Variants in KCND2 observed in about 807,000 individuals in gnomAD.
KCND2 encodes potassium voltage-gated channel subfamily D member 2.
Under a neutral mutation model 54.4 loss-of-function variants are expected in KCND2, and 16 were observed. That is an observed-to-expected ratio of 0.29 (90% CI 0.20 to 0.45). The LOEUF (loss-of-function observed/expected upper bound fraction) is 0.45, where lower values mean the gene tolerates loss of function less well. Ranked by LOEUF, KCND2 falls within the 20% of genes least tolerant of loss-of-function variation. The probability of loss-of-function intolerance (pLI) is 1.00; values close to 1 mark genes in which losing one functional copy is unlikely to be tolerated. For synonymous variants in KCND2, 317 were observed against 310.7 expected, an observed-to-expected ratio of 1.02 and a Z score of -0.21; for missense variants, 486 against 824.2, an observed-to-expected ratio of 0.59 and a Z score of 5.02.
At chr7:120,300,175 A>G (rs1799565345) in intron 1 of KCND2, among the ~76,000 whole-genome samples, 1 of 152,140 alleles carries the variant, frequency 6.6e-6, no homozygotes, top group African/African-American at 2.4e-5. Flanking sequence ...TTTTCAGAAC[A>G]GTTTGGAAGA....
chr7:120,644,104 G>C (rs534535803), intron 1 of KCND2, among the ~76,000 whole-genome samples: 30 of 152,116 alleles, frequency 2.0e-4, no homozygotes, highest in African/African-American at 7.0e-4. Flanking sequence ...GAAGATGAAT[G>C]AACTCTCTGC....
At position 120,358,810 on chromosome 7, in the gene KCND2, A is replaced by G. The variant is rs557192897; in HGVS notation, c.1115+83063A>G. On this transcript the variant is annotated intron_variant, in intron 1 of 5. Coordinates refer to ENST00000331113, the MANE Select transcript of KCND2 (RefSeq NM_012281.3). The stretch of plus-strand genomic sequence containing the variant: ...TGTACTCTTCTGTAAAGTATTTGAT[A>G]ATATGCTATCTTGTACAAATCTCTG... 3.3e-4 allele frequency among the ~76,000 whole-genome samples: 51 copies of G among 152,304 alleles called. No individual in the cohort carries two copies. In the South Asian group the frequency reaches 9.1e-3, roughly 27 times the overall value.
chr7:120,391,063 C>T (rs1801069557), intron 1 of KCND2, among the ~76,000 whole-genome samples: 1 of 152,054 alleles, frequency 6.6e-6, no homozygotes, highest in African/African-American at 2.4e-5. Context: ...GCTCTCCTTC[C>T]CCTTTGCCTC....
chr7:120,339,278 T>C (rs1401434415), intron 1 of KCND2, among the ~76,000 whole-genome samples: 1 of 151,986 alleles, frequency 6.6e-6, no homozygotes, highest in Admixed American at 6.6e-5. Context: ...CCATGTAAAA[T>C]GTCCCCCATT....
chr7:120,381,385 G>T (rs1382220864), intron 1 of KCND2, among the ~76,000 whole-genome samples: 3 of 151,972 alleles, frequency 2.0e-5, no homozygotes, highest in Non-Finnish European at 4.4e-5. Flanking sequence ...TTTCCAAAAG[G>T]TAATTATATT....
intron 1 of KCND2, among the ~76,000 whole-genome samples, chr7:120,306,034 CAT>C (rs1287387468): frequency 3.9e-5 from 6 of 152,208 alleles, no homozygotes; most frequent in African/African-American, 1.4e-4. Flanking sequence ...GTTCAGATAA[CAT>C]AGGTAAAATG....
At chr7:120,703,469 A>T (rs1792428041) in intron 1 of KCND2, among the ~76,000 whole-genome samples, 1 of 152,176 alleles carries the variant, frequency 6.6e-6, no homozygotes. Flanking sequence ...TTATGGTTAA[A>T]GTAATTGGGA....
At chr7:120,444,333 T>G (rs1801989253) in intron 1 of KCND2, among the ~76,000 whole-genome samples, 1 of 152,160 alleles carries the variant, frequency 6.6e-6, no homozygotes, top group Non-Finnish European at 1.5e-5. Context: ...ATCTTTAGTA[T>G]TGTTAGTACT....
chr7:120,433,371 GCT>G (rs1220351627), intron 1 of KCND2, among the ~76,000 whole-genome samples: 1 of 152,174 alleles, frequency 6.6e-6, no homozygotes, highest in Non-Finnish European at 1.5e-5. Context: ...CTTCTCTGAA[GCT>G]CTCTCTGTCT....
intron 1 of KCND2, among the ~76,000 whole-genome samples, chr7:120,466,770 A>G (rs1317264532): frequency 6.6e-6 from 1 of 152,188 alleles, no homozygotes; most frequent in Non-Finnish European, 1.5e-5. Context: ...GATATCCAGA[A>G]GTCTGAAATG....
chr7:120,432,945 A>G (rs771136355), intron 1 of KCND2, among the ~76,000 whole-genome samples: 3 of 152,134 alleles, frequency 2.0e-5, no homozygotes, highest in Admixed American at 1.3e-4. Flanking sequence ...CATCAATTGC[A>G]AGGCCAAATC....
intron 1 of KCND2, among the ~76,000 whole-genome samples, chr7:120,277,843 A>G (rs1799201131): frequency 6.6e-6 from 1 of 152,026 alleles, no homozygotes; most frequent in African/African-American, 2.4e-5. Context: ...AAATTGAATT[A>G]TATTGCCTGA....
intron 1 of KCND2, among the ~76,000 whole-genome samples, chr7:120,432,785 T>G (rs1801813109): frequency 1.3e-5 from 2 of 152,164 alleles, no homozygotes; most frequent in Admixed American, 1.3e-4. Context: ...TTGCCTTGCT[T>G]GGACACCCCT....
chr7:120,356,549 C>T (rs1170142811), intron 1 of KCND2, among the ~76,000 whole-genome samples: 3 of 152,000 alleles, frequency 2.0e-5, no homozygotes, highest in East Asian at 1.9e-4. Context: ...TTAATTGAAA[C>T]GTGATTAATC....
intron 1 of KCND2, among the ~76,000 whole-genome samples, chr7:120,723,690 C>G (rs1411971439): frequency 6.6e-6 from 1 of 152,090 alleles, no homozygotes; most frequent in Non-Finnish European, 1.5e-5. Context: ...TCAACAGCCA[C>G]TGCACTCCAG....
intron 1 of KCND2, among the ~76,000 whole-genome samples, chr7:120,313,777 A>G (rs1799774209): frequency 6.8e-6 from 1 of 145,986 alleles, no homozygotes; most frequent in Admixed American, 6.9e-5. Context: ...AAAGAACAGT[A>G]TCCTTCTTTG....
intron 1 of KCND2, among the ~76,000 whole-genome samples, chr7:120,354,476 T>A (rs1800467328): frequency 1.3e-5 from 2 of 152,188 alleles, no homozygotes; most frequent in South Asian, 4.1e-4. Context: ...AATGTAACAG[T>A]ATGGAAAGCC....
chr7:120,415,948 T>A (rs1198359845), intron 1 of KCND2, among the ~76,000 whole-genome samples: 1 of 152,172 alleles, frequency 6.6e-6, no homozygotes, highest in Non-Finnish European at 1.5e-5. Context: ...TGAACGTCTT[T>A]GTTTCTTTTG....
intron 1 of KCND2, among the ~76,000 whole-genome samples, chr7:120,691,554 CAG>C (rs1792269159): frequency 6.6e-6 from 1 of 152,058 alleles, no homozygotes. Context: ...CTGGGGGAGA[CAG>C]GGAGGAACAG....
Sources: allele counts gnomAD v4.1 joint callset (sites outside exome capture counted in the v4.1 genomes callset), GRCh38; gene constraint gnomAD v4.1.1; transcripts MANE v1.5; gene names NCBI Gene and HGNC (gene_info 2026-07-23, HGNC 2026-07-21).